The following CHODL variants were observed in gnomAD, a reference collection of about 807,000 sequenced individuals.
CHODL encodes the protein chondrolectin.
In CHODL, 29 loss-of-function variants were observed where a neutral mutation model predicts 34.5. The observed-to-expected ratio is 0.84, with a 90% CI of 0.63 to 1.15. The LOEUF is 1.15. CHODL is among the 50% of genes most tolerant of loss of function. CHODL has a pLI of 0.00. For synonymous variants in CHODL, 125 were observed against 116.1 expected (o/e 1.08, Z -0.49); for missense variants, 332 against 332.5 (o/e 1.00, Z 0.01).
At chr21:17,928,035 G>A (rs866065500) in intron 1 of CHODL, among the ~76,000 whole-genome samples, 3 of 152,150 alleles carry the variant, frequency 2.0e-5, no homozygotes, top group Non-Finnish European at 4.4e-5. Flanking sequence ...TATTGAATAG[G>A]TTCACTAGGG....
intron 1 of CHODL, among the ~76,000 whole-genome samples, chr21:17,937,985 T>G (rs1230278598): frequency 6.6e-6 from 1 of 152,242 alleles, no homozygotes; most frequent in African/African-American, 2.4e-5. Context: ...ATAACTTGTG[T>G]TACAATGGCT....
At position 18,044,319 on chromosome 21, in the gene CHODL, A is replaced by T. The variant is rs115716149; in HGVS notation, c.-45+16348A>T. ...ACATTTAAAACTAACATTGAACAAT[A>T]TAAATAGTGAAGTTCATGCTAATAA... On this transcript the variant is annotated intron_variant, in intron 2 of 6. Transcript: ENST00000400127. 1.9e-3 allele frequency among the ~76,000 whole-genome samples: 285 copies of T among 152,188 alleles called. 1 individual carries two copies. The highest frequency in any genetic ancestry group is 6.7e-3 in the African/African-American group (280 of 41,580).
chr21:18,101,304 C>T (rs879870907), intron 2 of CHODL, among the ~76,000 whole-genome samples: 9 of 152,094 alleles, frequency 5.9e-5, no homozygotes, highest in Non-Finnish European at 1.0e-4. Flanking sequence ...GTCCAATAAA[C>T]GTCTTTCTTT....
chr21:18,162,411 T>TTC (rs58978469), intron 2 of CHODL, among the ~76,000 whole-genome samples: 5,466 of 147,810 alleles, frequency 0.037, 280 homozygotes, highest in African/African-American at 0.11. Context: ...ACGTGGTGTT[T>TTC]TCTCTCTCTC....
At chr21:18,184,668 T>C (rs1002934035) in intron 2 of CHODL, among the ~76,000 whole-genome samples, 31 of 152,268 alleles carry the variant, frequency 2.0e-4, no homozygotes, top group African/African-American at 7.0e-4. Flanking sequence ...GGGAGAAACT[T>C]CTGTAAAGTT....
At chr21:18,095,550 G>A (rs963594249) in intron 2 of CHODL, among the ~76,000 whole-genome samples, 3 of 152,042 alleles carry the variant, frequency 2.0e-5, no homozygotes, top group Admixed American at 6.6e-5. Flanking sequence ...GGACCCAATG[G>A]CTTCACTGTG....
At chr21:18,211,168 A>ACACACACT (rs756032552) in intron 2 of CHODL, among the ~76,000 whole-genome samples, 1 of 133,762 alleles carries the variant, frequency 7.5e-6, no homozygotes. Context: ...ACACACACAC[A>ACACACACT]CTCACACTCA....
At chr21:17,943,895 A>G (rs1327113022) in intron 1 of CHODL, among the ~76,000 whole-genome samples, 3 of 152,168 alleles carry the variant, frequency 2.0e-5, no homozygotes, top group Non-Finnish European at 2.9e-5. Context: ...GATAAATAGC[A>G]TGGCTTACCT....
intron 1 of CHODL, among the ~76,000 whole-genome samples, chr21:17,978,723 G>GA (rs1480312681): frequency 7.1e-5 from 4 of 56,126 alleles, no homozygotes; most frequent in South Asian, 8.9e-4. Flanking sequence ...TCTCAAAAAA[G>GA]AAAAAAAAAG....
rs548265594 is a variant in CHODL at position 18,097,437 on chromosome 21, A to G, written c.-45+69466A>G. On this transcript the variant is annotated intron_variant, in intron 2 of 6. Transcript: ENST00000400127. ...ATTTCTACATGCCAACAGTGAACAAACTGAAAAACAGAAATAAAAAGGTAA... is the reference window on the plus strand; with the variant it reads ...ATTTCTACATGCCAACAGTGAACAAGCTGAAAAACAGAAATAAAAAGGTAA... Among the ~76,000 whole-genome samples, 3 of 152,236 alleles carry G rather than the reference A, an allele frequency of 2.0e-5. No individual in the cohort carries two copies. In the South Asian group the frequency reaches 6.2e-4, roughly 32 times the overall value.
intron 2 of CHODL, among the ~76,000 whole-genome samples, chr21:18,084,660 A>G (rs546332102): frequency 2.0e-5 from 3 of 152,208 alleles, no homozygotes; most frequent in African/African-American, 4.8e-5. Flanking sequence ...TTAAAAAAAA[A>G]CTTTAAGACT....
At chr21:18,124,859 A>G (rs891223378) in intron 2 of CHODL, among the ~76,000 whole-genome samples, 4 of 152,284 alleles carry the variant, frequency 2.6e-5, no homozygotes, top group Non-Finnish European at 5.9e-5. Context: ...CAATAAACTT[A>G]TGAAACTATT....
intron 2 of CHODL, 75 bp downstream of exon 2, chr21:18,256,893 A>G: frequency 6.3e-7 from 1 of 1,579,546 alleles, no homozygotes; most frequent in Non-Finnish European, 8.6e-7. Flanking sequence ...TGTTACCTGT[A>G]GAGGATGTCA....
chr21:18,041,014 A>G (rs1744740986), intron 2 of CHODL, among the ~76,000 whole-genome samples: 1 of 151,930 alleles, frequency 6.6e-6, no homozygotes, highest in African/African-American at 2.4e-5. Flanking sequence ...TGAGTTTTAA[A>G]TGCTCTTTAG....
At chr21:18,003,049 G>A (rs898333972) in intron 1 of CHODL, among the ~76,000 whole-genome samples, 2 of 151,594 alleles carry the variant, frequency 1.3e-5, no homozygotes, top group East Asian at 1.9e-4. Context: ...CGTGAACCCC[G>A]GGGGGCGGAG....
At chr21:18,155,002 T>G (rs2073017682) in intron 2 of CHODL, among the ~76,000 whole-genome samples, 1 of 152,176 alleles carries the variant, frequency 6.6e-6, no homozygotes, top group Non-Finnish European at 1.5e-5. Flanking sequence ...GGTTGTGACC[T>G]GAAAGACAAA....
chr21:17,990,309 C>T (rs1423814151), intron 1 of CHODL, among the ~76,000 whole-genome samples: 1 of 152,116 alleles, frequency 6.6e-6, no homozygotes, highest in Non-Finnish European at 1.5e-5. Context: ...ACTGTACACA[C>T]ACTTCCCAAC....
intron 2 of CHODL, among the ~76,000 whole-genome samples, chr21:18,118,440 G>C (rs527345522): frequency 6.6e-6 from 1 of 152,248 alleles, no homozygotes; most frequent in African/African-American, 2.4e-5. Context: ...TTACTTTTAA[G>C]AACCTAAAAA....
intron 1 of CHODL, among the ~76,000 whole-genome samples, chr21:17,963,395 G>T (rs1465758041): frequency 1.3e-5 from 2 of 152,186 alleles, no homozygotes; most frequent in East Asian, 3.8e-4. Flanking sequence ...AATTTATAAA[G>T]AAAAAGAGGT....
Sources: allele counts gnomAD v4.1 joint callset (sites outside exome capture counted in the v4.1 genomes callset), GRCh38; gene constraint gnomAD v4.1.1; transcripts MANE v1.5; gene names NCBI Gene and HGNC (gene_info 2026-07-23, HGNC 2026-07-21).